PCDHA12: variants seen among roughly 807,000 people sequenced by gnomAD.
PCDHA12 encodes the protein protocadherin alpha 12, also known as protocadherin alpha-12.
A neutral mutation model predicts 60.0 loss-of-function variants in PCDHA12; 44 were observed. The observed-to-expected ratio is 0.73, with a 90% CI of 0.58 to 0.94. The LOEUF is 0.94. PCDHA12 is among the 40% of genes least tolerant of loss of function. The pLI, the probability that PCDHA12 is intolerant of heterozygous loss-of-function variation, is 0.00. For missense variants in PCDHA12, 1,276 were observed against 1,239.7 expected (o/e 1.03, Z -0.44); for synonymous variants, 569 against 553.0 (o/e 1.03, Z -0.40).
chr5:140,967,873 C>T lies in PCDHA12; in HGVS notation c.2368-11076C>T, dbSNP rs1554230047. On this transcript the variant is annotated intron_variant, in intron 1 of 3. Transcript: ENST00000398631. ...ATGCCCCAGAGGTGGTGCTCACGGA[C>T]CTGTATAGCCCAGTGCCTGAGAATG... 1.9e-6 allele frequency: 3 copies of T among 1,614,152 alleles called. No homozygotes were observed. In the Admixed American group the frequency reaches 5.0e-5, roughly 27 times the overall value.
intron 1 of PCDHA12, among the ~76,000 whole-genome samples, chr5:140,945,576 T>G (rs1383348275): frequency 6.6e-6 from 1 of 152,064 alleles, no homozygotes; most frequent in African/African-American, 2.4e-5. Context: ...ACTACCTGGC[T>G]TCAAAATATA....
At chr5:140,916,463 G>A (rs934007072) in intron 1 of PCDHA12, among the ~76,000 whole-genome samples, 2 of 152,212 alleles carry the variant, frequency 1.3e-5, no homozygotes, top group African/African-American at 2.4e-5. Flanking sequence ...TATCACTGCT[G>A]GTTATTTGGT....
chr5:140,896,721 T>C (rs774174943), intron 1 of PCDHA12, among the ~76,000 whole-genome samples: 1 of 152,176 alleles, frequency 6.6e-6, no homozygotes, highest in Non-Finnish European at 1.5e-5. Flanking sequence ...TGCTTGTTAA[T>C]TTGTTTAAGT....
At chr5:140,949,657 T>G (rs908826690) in intron 1 of PCDHA12, among the ~76,000 whole-genome samples, 2 of 151,876 alleles carry the variant, frequency 1.3e-5, no homozygotes, top group Non-Finnish European at 3.0e-5. Flanking sequence ...TTTACTTTTG[T>G]TTCTTTAAAG....
At chr5:140,962,716 G>A (rs1268660102) in intron 1 of PCDHA12, among the ~76,000 whole-genome samples, 2 of 152,304 alleles carry the variant, frequency 1.3e-5, no homozygotes, top group East Asian at 3.9e-4. Context: ...ATATTGGAAA[G>A]TATTTTCCTT....
rs183542590 is a variant in PCDHA12 at position 140,969,555 on chromosome 5, C to T, written c.2368-9394C>T. On this transcript the variant is annotated intron_variant, in intron 1 of 3. Coordinates refer to ENST00000398631, the MANE Select transcript of PCDHA12 (RefSeq NM_018903.4). ...CATTTTCAGAGGCATGAAGCCTTGT[C>T]CATAAAATTGTTTGAGAAGTGAGGA... The T allele has an allele frequency of 1.2e-5, 15 of 1,213,382 alleles. 1 individual carries two copies. The highest frequency in any genetic ancestry group is 1.7e-5 in the South Asian group (1 of 59,354). The allele number at this position is 1,213,382 out of a possible 1,614,324, so 75.2% of individuals were successfully genotyped here. A position where few individuals can be genotyped will look rare whatever the true frequency, so the allele number is the denominator to read the frequency against.
At chr5:140,919,518 T>C (rs1027780107) in intron 1 of PCDHA12, among the ~76,000 whole-genome samples, 1 of 152,194 alleles carries the variant, frequency 6.6e-6, no homozygotes. Context: ...TATGTTTTAA[T>C]TCTCTTTTTT....
chr5:140,882,052 C>A (rs2058925535), intron 1 of PCDHA12: 5 of 766,334 alleles, frequency 6.5e-6, no homozygotes, highest in Admixed American at 3.1e-5. Context: ...GTCATACTTA[C>A]ACTTACACGT....
At chr5:140,949,597 C>T (rs1279469149) in intron 1 of PCDHA12, among the ~76,000 whole-genome samples, 1 of 151,600 alleles carries the variant, frequency 6.6e-6, no homozygotes, top group African/African-American at 2.4e-5. Flanking sequence ...TTAATGTGGC[C>T]ATTCTAGTCT....
chr5:140,914,426 A>G (rs1554196349), intron 1 of PCDHA12, among the ~76,000 whole-genome samples: 1 of 152,140 alleles, frequency 6.6e-6, no homozygotes, highest in African/African-American at 2.4e-5. Context: ...TTAGCAAGGA[A>G]TATCTTTTCC....
At chr5:140,958,199 A>G (rs2095413345) in intron 1 of PCDHA12, among the ~76,000 whole-genome samples, 1 of 152,140 alleles carries the variant, frequency 6.6e-6, no homozygotes, top group Non-Finnish European at 1.5e-5. Context: ...GGTCTAGTAT[A>G]CAAGGGAATT....
chr5:140,892,261 G>A (rs1221882386), intron 1 of PCDHA12, among the ~76,000 whole-genome samples: 1 of 152,020 alleles, frequency 6.6e-6, no homozygotes, highest in Admixed American at 6.6e-5. Context: ...CTTTGATTTT[G>A]TGCTGAAAGT....
At chr5:140,914,197 T>G (rs2076637069) in intron 1 of PCDHA12, among the ~76,000 whole-genome samples, 1 of 152,234 alleles carries the variant, frequency 6.6e-6, no homozygotes, top group South Asian at 2.1e-4. Flanking sequence ...ATTATTGTAT[T>G]GTGATCTCTA....
At position 140,932,218 on chromosome 5, in the gene PCDHA12, T is replaced by G. The variant is rs556134668; in HGVS notation, c.2368-46731T>G. ...TCTGTTAATATTCTTGATGGGCAATTTAAATTTTTTAGAATGGTATCTAAG... is the reference window on the plus strand; with the variant it reads ...TCTGTTAATATTCTTGATGGGCAATGTAAATTTTTTAGAATGGTATCTAAG... On this transcript the variant is annotated intron_variant, in intron 1 of 3. Coordinates refer to ENST00000398631, the MANE Select transcript of PCDHA12 (RefSeq NM_018903.4). Among the ~76,000 whole-genome samples, 20 of 152,034 alleles carry G rather than the reference T, an allele frequency of 1.3e-4. 1 individual carries two copies. Among genetic ancestry groups the G allele is most frequent in the Middle Eastern group, 3.4e-3 (1 of 292 alleles).
chr5:141,001,378 C>T (rs889628264), intron 3 of PCDHA12, among the ~76,000 whole-genome samples: 20 of 152,166 alleles, frequency 1.3e-4, no homozygotes, highest in African/African-American at 4.8e-4. Flanking sequence ...GATTACAGAG[C>T]CTAAGATCCT....
intron 1 of PCDHA12, among the ~76,000 whole-genome samples, chr5:140,879,606 G>A (rs1554170878): frequency 6.6e-6 from 1 of 152,196 alleles, no homozygotes; most frequent in Non-Finnish European, 1.5e-5. Context: ...AAAACAATGT[G>A]TCCAGGTACT....
At chr5:140,950,976 A>G (rs543425095) in intron 1 of PCDHA12, among the ~76,000 whole-genome samples, 188 of 151,348 alleles carry the variant, frequency 1.2e-3, no homozygotes, top group African/African-American at 4.3e-3. Flanking sequence ...AGATTCATTG[A>G]CTTTTGCCTC....
At chr5:141,009,262 C>T (rs2098403740) in intron 3 of PCDHA12, among the ~76,000 whole-genome samples, 2 of 152,112 alleles carry the variant, frequency 1.3e-5, no homozygotes, top group Non-Finnish European at 2.9e-5. Flanking sequence ...TGAGACCAGC[C>T]TGGGCAACAT....
intron 1 of PCDHA12, among the ~76,000 whole-genome samples, chr5:140,930,655 C>T (rs1554207993): frequency 6.6e-6 from 1 of 152,110 alleles, no homozygotes; most frequent in Non-Finnish European, 1.5e-5. Context: ...TGAAGCATTC[C>T]TTGTTTTACT....
Sources: allele counts gnomAD v4.1 joint callset (sites outside exome capture counted in the v4.1 genomes callset), GRCh38; gene constraint gnomAD v4.1.1; transcripts MANE v1.5; gene names NCBI Gene and HGNC (gene_info 2026-07-23, HGNC 2026-07-21).